The following OSBPL8 variants were observed in gnomAD, a reference collection of about 807,000 sequenced individuals.
The protein encoded by OSBPL8 is oxysterol-binding protein-related protein 8.
A neutral mutation model predicts 125.5 loss-of-function variants in OSBPL8; 59 were observed. The ratio of observed to expected loss-of-function variants is 0.47; its 90% CI spans 0.38 to 0.58. OSBPL8 has a LOEUF of 0.58. Ranked by LOEUF, OSBPL8 falls within the 20% of genes least tolerant of loss-of-function variation. The pLI is 0.00. For missense variants in OSBPL8, 758 were observed against 1,047.8 expected, an observed-to-expected ratio of 0.72 and a Z score of 3.82; for synonymous variants, 330 against 338.9, an observed-to-expected ratio of 0.97 and a Z score of 0.29.
At chr12:76,374,925 CAT>C (rs1491269309) in intron 17 of OSBPL8, among the ~76,000 whole-genome samples, 22 of 152,134 alleles carry the variant, frequency 1.4e-4, no homozygotes, top group African/African-American at 5.1e-4. Flanking sequence ...CAAGATGACA[CAT>C]ATCTTCTGGT....
At chr12:76,538,164 C>T (rs1387934665) in intron 1 of OSBPL8, among the ~76,000 whole-genome samples, 1 of 152,164 alleles carries the variant, frequency 6.6e-6, no homozygotes, top group Admixed American at 6.5e-5. Context: ...ATAACCTTAA[C>T]GACTTTTGCT....
At chr12:76,534,774 C>T (rs897048137) in intron 1 of OSBPL8, among the ~76,000 whole-genome samples, 1 of 152,180 alleles carries the variant, frequency 6.6e-6, no homozygotes, top group Middle Eastern at 3.4e-3. Context: ...CTTACAAAAA[C>T]ATTCAAAATA....
intron 2 of OSBPL8, among the ~76,000 whole-genome samples, chr12:76,461,173 C>A (rs1213210284): frequency 1.3e-5 from 2 of 152,140 alleles, no homozygotes; most frequent in Non-Finnish European, 2.9e-5. Context: ...CTGATGTAAG[C>A]CACCACACCA....
intron 18 of OSBPL8, among the ~76,000 whole-genome samples, chr12:76,372,673 T>C (rs1465974070): frequency 6.6e-6 from 1 of 152,208 alleles, no homozygotes; most frequent in Non-Finnish European, 1.5e-5. Flanking sequence ...TCAGTGCTCA[T>C]AGTATGGTAT....
intron 1 of OSBPL8, among the ~76,000 whole-genome samples, chr12:76,540,457 C>T (rs1279093391): frequency 6.7e-6 from 1 of 150,340 alleles, no homozygotes; most frequent in East Asian, 2.0e-4. Context: ...CAATAGAATA[C>T]GAGTTCTGTT....
intron 1 of OSBPL8, among the ~76,000 whole-genome samples, chr12:76,516,431 CG>C (rs1208242715): frequency 6.6e-6 from 1 of 152,156 alleles, no homozygotes; most frequent in Non-Finnish European, 1.5e-5. Context: ...TGTGCTTCCT[CG>C]TATTATAAGT....
At chr12:76,546,005 T>C (rs1323171618) in intron 1 of OSBPL8, among the ~76,000 whole-genome samples, 1 of 152,136 alleles carries the variant, frequency 6.6e-6, no homozygotes, top group African/African-American at 2.4e-5. Context: ...AAACAAGGAC[T>C]GAAAACACTG....
intron 9 of OSBPL8, among the ~76,000 whole-genome samples, chr12:76,394,054 T>C (rs1411231615): frequency 6.6e-6 from 1 of 152,028 alleles, no homozygotes. Context: ...AAAAATCAGA[T>C]AAAAGTAAAC....
chr12:76,539,426 C>T, intron 1 of OSBPL8, among the ~76,000 whole-genome samples: 1 of 151,590 alleles, frequency 6.6e-6, no homozygotes, highest in East Asian at 1.9e-4. Flanking sequence ...TAAGAGTGTA[C>T]AAAATGTCAA....
intron 4 of OSBPL8, among the ~76,000 whole-genome samples, chr12:76,420,480 G>A (rs571434973): frequency 6.6e-6 from 1 of 151,934 alleles, no homozygotes; most frequent in Admixed American, 6.6e-5. Context: ...TGGGTACAGG[G>A]GCAGGGGTGT....
chr12:76,376,244 A>G (rs1304893365), intron 16 of OSBPL8, among the ~76,000 whole-genome samples: 1 of 152,262 alleles, frequency 6.6e-6, no homozygotes, highest in Non-Finnish European at 1.5e-5. Flanking sequence ...AAAGCTGGGG[A>G]AACTCTGGGT....
chr12:76,534,848 A>G (rs1264484176), intron 1 of OSBPL8, among the ~76,000 whole-genome samples: 1 of 152,214 alleles, frequency 6.6e-6, no homozygotes, highest in Non-Finnish European at 1.5e-5. Flanking sequence ...AAATGGACCC[A>G]TAAACAGAGT....
At chr12:76,507,200 T>C (rs1017622840) in intron 1 of OSBPL8, among the ~76,000 whole-genome samples, 19 of 151,900 alleles carry the variant, frequency 1.3e-4, no homozygotes, top group African/African-American at 4.6e-4. Flanking sequence ...GGTAGCTCAT[T>C]GTCTATACTT....
At chr12:76,536,184 G>A (rs1461005584) in intron 1 of OSBPL8, among the ~76,000 whole-genome samples, 1 of 151,852 alleles carries the variant, frequency 6.6e-6, no homozygotes, top group Admixed American at 6.6e-5. Context: ...CAGAAAAAAT[G>A]TAAAAAATCT....
chr12:76,441,378 T>C (rs983348621), intron 4 of OSBPL8, among the ~76,000 whole-genome samples: 8 of 152,300 alleles, frequency 5.3e-5, no homozygotes, highest in African/African-American at 1.9e-4. Context: ...AAAAATTCTA[T>C]GAAGCTGTTT....
At chr12:76,512,031 CAT>C (rs1459298127) in intron 1 of OSBPL8, among the ~76,000 whole-genome samples, 3 of 152,068 alleles carry the variant, frequency 2.0e-5, no homozygotes, top group African/African-American at 4.8e-5. Flanking sequence ...TAGATAAACA[CAT>C]GTCATGGGGG....
At chr12:76,358,998 G>C (rs962343114) in intron 21 of OSBPL8, among the ~76,000 whole-genome samples, 187 bp from the exon 22 acceptor site, 1 of 152,114 alleles carries the variant, frequency 6.6e-6, no homozygotes, top group Admixed American at 6.5e-5. Flanking sequence ...ATTTTAATAG[G>C]AAGTACTTTG....
At position 76,389,669 on chromosome 12, in the gene OSBPL8, T is replaced by C. The variant is rs1328917245; in HGVS notation, c.1328A>G (p.Tyr443Cys). The change falls in exon 12 of 24, where the codon TAC (tyrosine) becomes TGC (cysteine). Residue 443 changes from tyrosine (Y) to cysteine (C), a missense_variant. Physicochemically the swap from Tyr to Cys is radical, Grantham distance 194. Around this residue, in one of 3 missense-constraint regions of OSBPL8, gnomAD observed 572 missense variants for 762.0 expected, o/e 0.75. Transcript: ENST00000261183. ...RSFLDKLSDYYYHADFLSEAA... is the reference protein window; with the variant it reads ...RSFLDKLSDYCYHADFLSEAA... ...CTCAGATAGGAAATCTGCATGATAGTAGTAATCTGAAAGTTTATCCAGGAA... is the reference window on the plus strand; with the variant it reads ...CTCAGATAGGAAATCTGCATGATAGCAGTAATCTGAAAGTTTATCCAGGAA... 1.3e-6 allele frequency: 2 copies of C among 1,594,618 alleles called. No individual in the cohort carries two copies. Among genetic ancestry groups the C allele is most frequent in the Non-Finnish European group, 1.7e-6 (2 of 1,170,618 alleles).
intron 2 of OSBPL8, among the ~76,000 whole-genome samples, chr12:76,484,335 T>G (rs1877892562): frequency 6.6e-6 from 1 of 152,240 alleles, no homozygotes; most frequent in Non-Finnish European, 1.5e-5. Flanking sequence ...AAAGTTTATG[T>G]TCTCTTAAGA....
Sources: allele counts gnomAD v4.1 joint callset (sites outside exome capture counted in the v4.1 genomes callset), GRCh38; gene constraint gnomAD v4.1.1; regional missense constraint gnomAD v4.1.1; transcripts MANE v1.5; gene names NCBI Gene and HGNC (gene_info 2026-07-23, HGNC 2026-07-21).